MAML3: variants seen among roughly 807,000 people sequenced by gnomAD.
The protein encoded by MAML3 is mastermind like transcriptional coactivator 3.
A neutral mutation model predicts 101.9 loss-of-function variants in MAML3; 27 were observed. That is an observed-to-expected ratio of 0.27 (90% CI 0.20 to 0.37). MAML3 has a LOEUF of 0.37. Among genes scored for constraint, MAML3 ranks in the 10% least tolerant of loss-of-function variants. The probability of loss-of-function intolerance (pLI) is 1.00; values close to 1 mark genes in which losing one functional copy is unlikely to be tolerated. For synonymous variants in MAML3, 501 were observed against 555.9 expected, an observed-to-expected ratio of 0.90 and a Z score of 1.39; for missense variants, 1,316 against 1,444.9, an observed-to-expected ratio of 0.91 and a Z score of 1.45.
rs758922699 is a variant in MAML3, at chr4:139,890,774, A to G, written c.662T>C (p.Leu221Pro). ...PLPSASPLHQ[L>P]DLKPSLPLQN... is the part of the protein sequence containing the mutation. ...CAAGGGCAAAGAAGGTTTCAGGTCAAGTTGGTGAAGAGGAGAAGCTGAAGG... is the reference window on the plus strand; with the variant it reads ...CAAGGGCAAAGAAGGTTTCAGGTCAGGTTGGTGAAGAGGAGAAGCTGAAGG... The change falls in exon 2 of 5, where the codon CTT (leucine) becomes CCT (proline). Residue 221 changes from leucine to proline, a missense_variant. Transcript: ENST00000509479. This position sits in a 1 kb window ranked among gnomAD's most constrained non-coding sequence, Gnocchi z 4.1. The G allele has an allele frequency of 1.2e-6, 2 of 1,613,958 alleles. No individual in the cohort carries two copies. Among genetic ancestry groups the G allele is most frequent in the Non-Finnish European group, 8.5e-7 (1 of 1,179,826 alleles).
At chr4:139,967,486 ACAC>A (rs1223162070) in intron 1 of MAML3, among the ~76,000 whole-genome samples, 50 of 149,338 alleles carry the variant, frequency 3.3e-4, no homozygotes, top group Non-Finnish European at 2.2e-4. Context: ...ACACACACAC[ACAC>A]ACACACACAC....
In MAML3 at chr4:139,719,449, A is replaced by C; in HGVS notation, c.3291T>G (p.Ser1097Arg). The change falls in exon 5 of 5, where the codon AGT becomes AGG. Residue 1097 changes from serine (S) to arginine (R), a missense_variant. Physicochemically the swap from Ser to Arg is moderately radical, Grantham distance 110 (BLOSUM62 -1). Transcript: ENST00000509479. ...NAPQDVSYNY[S>R]GDGAGGSFPG... ...GGAAGGAACCCCCAGCTCCGTCGCC[A>C]CTGTAATTGTATGACACGTCCTGAG... is the stretch of plus-strand genomic sequence containing the variant. The C allele has an allele frequency of 6.2e-7, 1 of 1,613,948 alleles. No individual in the cohort carries two copies. Among genetic ancestry groups the C allele is most frequent in the Non-Finnish European group, 8.5e-7 (1 of 1,179,874 alleles).
chr4:139,789,225 A>T (rs888327335), intron 2 of MAML3, among the ~76,000 whole-genome samples: 2 of 152,232 alleles, frequency 1.3e-5, no homozygotes, highest in Non-Finnish European at 2.9e-5. Context: ...AGGAGATTTA[A>T]TCACTAAGCT....
chr4:139,938,604 G>A (rs1054736489), intron 1 of MAML3, among the ~76,000 whole-genome samples: 1 of 152,164 alleles, frequency 6.6e-6, no homozygotes, highest in Admixed American at 6.5e-5. Flanking sequence ...TTATGAAAGA[G>A]GATGAACTCT....
intron 2 of MAML3, among the ~76,000 whole-genome samples, chr4:139,834,595 C>T (rs1731225774): frequency 6.6e-6 from 1 of 152,164 alleles, no homozygotes; most frequent in African/African-American, 2.4e-5. Context: ...TAACAAGTTC[C>T]AAAGTGATGC....
intron 2 of MAML3, among the ~76,000 whole-genome samples, chr4:139,799,068 G>C (rs143246359): frequency 6.6e-6 from 1 of 152,140 alleles, no homozygotes; most frequent in African/African-American, 2.4e-5. Context: ...TTTCTATCCC[G>C]AGCTTGCTTC....
intron 1 of MAML3, among the ~76,000 whole-genome samples, chr4:140,017,273 T>C (rs1726656909): frequency 6.6e-6 from 1 of 152,120 alleles, no homozygotes; most frequent in African/African-American, 2.4e-5. Flanking sequence ...CTTAGCAGAA[T>C]GGCTAAAATA....
chr4:139,999,380 G>A (rs1734879710), intron 1 of MAML3, among the ~76,000 whole-genome samples: 1 of 152,164 alleles, frequency 6.6e-6, no homozygotes, highest in Non-Finnish European at 1.5e-5. Context: ...CATGACAACT[G>A]AACTGCATTA....
intron 2 of MAML3, among the ~76,000 whole-genome samples, chr4:139,819,755 T>C (rs1211883506): frequency 6.6e-6 from 1 of 152,232 alleles, no homozygotes; most frequent in African/African-American, 2.4e-5. Context: ...CTCAGATTTC[T>C]CTCCAATCTA....
chr4:140,089,108 C>G (rs1248938603), intron 1 of MAML3, among the ~76,000 whole-genome samples: 3 of 152,126 alleles, frequency 2.0e-5, no homozygotes, highest in African/African-American at 4.8e-5. Flanking sequence ...AAATGACAGG[C>G]CTTCAGGTGA....
chr4:139,860,679 C>A (rs974110337), intron 2 of MAML3, among the ~76,000 whole-genome samples: 2 of 152,160 alleles, frequency 1.3e-5, no homozygotes, highest in African/African-American at 4.8e-5. Flanking sequence ...GCACACAATA[C>A]GCATGCAAGG....
At chr4:139,740,817 TC>T (rs1729140960) in intron 2 of MAML3, 1 of 152,322 alleles carries the variant, frequency 6.6e-6, no homozygotes, top group Non-Finnish European at 1.5e-5. Flanking sequence ...CGAGGGCACT[TC>T]CCGCCGTCAT....
At chr4:139,841,661 G>C (rs980554117) in intron 2 of MAML3, among the ~76,000 whole-genome samples, 4 of 152,196 alleles carry the variant, frequency 2.6e-5, no homozygotes, top group African/African-American at 9.7e-5. Context: ...TACAAGCGCT[G>C]TGCACTTAGC....
chr4:139,940,689 A>C (rs1278078600), intron 1 of MAML3, among the ~76,000 whole-genome samples: 1 of 152,154 alleles, frequency 6.6e-6, no homozygotes, highest in African/African-American at 2.4e-5. Context: ...TTGGGACCCC[A>C]CTTGGCTTCT....
chr4:139,994,097 T>C (rs1734755988), intron 1 of MAML3, among the ~76,000 whole-genome samples: 1 of 152,232 alleles, frequency 6.6e-6, no homozygotes, highest in African/African-American at 2.4e-5. Context: ...AATAGTTTTC[T>C]CCATTGTATT....
Position 139,784,904 on chromosome 4 carries a change from G to A in MAML3, c.2080-54237C>T, listed in dbSNP as rs563320308. On this transcript the variant is annotated intron_variant, in intron 2 of 4. Transcript: ENST00000509479. ...GCTAATGTGTGCACGTGGACATGGA[G>A]TGTGGAATGATAGACATTGGAGACG... 3.9e-5 allele frequency among the ~76,000 whole-genome samples: 6 copies of A among 152,300 alleles called. No homozygotes were observed. The East Asian group carries it at 9.7e-4, about 25-fold the overall frequency.
intron 1 of MAML3, among the ~76,000 whole-genome samples, chr4:140,086,001 G>A (rs1407984378): frequency 6.6e-6 from 1 of 152,076 alleles, no homozygotes; most frequent in Non-Finnish European, 1.5e-5. Context: ...GAAAATTTTG[G>A]CTCTAACTAA....
intron 1 of MAML3, among the ~76,000 whole-genome samples, chr4:139,892,793 T>G (rs1289685172): frequency 6.6e-6 from 1 of 151,718 alleles, no homozygotes; most frequent in Non-Finnish European, 1.5e-5. Context: ...TAGCCGGGCG[T>G]GGTGGCGGGC....
intron 1 of MAML3, among the ~76,000 whole-genome samples, chr4:139,912,790 G>C (rs1420354088): frequency 2.6e-5 from 4 of 152,230 alleles, no homozygotes; most frequent in Admixed American, 1.3e-4. Flanking sequence ...GTTAAGGAAG[G>C]ATTCTCTGCA....
Sources: gnomAD v4.1 joint callset for allele counts (sites outside exome capture counted in the v4.1 genomes callset) on GRCh38, gnomAD v4.1.1 for gene constraint, Gnocchi (gnomAD v3.1) non-coding constraint, MANE v1.5 for transcripts, NCBI Gene and HGNC (gene_info 2026-07-23, HGNC 2026-07-21) for gene names.